Variants in RCHY1 observed in about 807,000 individuals in gnomAD.
The protein encoded by RCHY1 is RING finger and CHY zinc finger domain-containing protein 1.
RCHY1 carries 21 observed loss-of-function variants against 41.6 expected under a neutral mutation model. That is an observed-to-expected ratio of 0.51 (90% CI 0.36 to 0.73). The LOEUF (loss-of-function observed/expected upper bound fraction) is 0.73, where lower values mean the gene tolerates loss of function less well. Among genes scored for constraint, RCHY1 ranks in the 30% least tolerant of loss-of-function variants. RCHY1 has a pLI of 0.00. For missense variants in RCHY1, 265 were observed against 325.3 expected (o/e 0.81, Z 1.43); for synonymous variants, 79 against 102.9 (o/e 0.77, Z 1.41).
At chr4:75,499,241 T>A (rs866803438) in intron 3 of RCHY1, among the ~76,000 whole-genome samples, 1 of 152,178 alleles carries the variant, frequency 6.6e-6, no homozygotes, top group Non-Finnish European at 1.5e-5. Flanking sequence ...ACACCCCAGT[T>A]AGAATGGCTT....
At chr4:75,486,051 A>C (rs563348766) in intron 8 of RCHY1, among the ~76,000 whole-genome samples, 1 of 152,322 alleles carries the variant, frequency 6.6e-6, no homozygotes, top group East Asian at 1.9e-4. Context: ...AAGCAGAATC[A>C]AGCCCACTAG....
At chr4:75,508,107 A>C (rs1393050346) in intron 3 of RCHY1, among the ~76,000 whole-genome samples, 1 of 150,994 alleles carries the variant, frequency 6.6e-6, no homozygotes, top group Admixed American at 6.6e-5. Flanking sequence ...CAAAAAAAAC[A>C]AAAAAAAAGC....
rs779761521 is a variant in RCHY1, at chr4:75,481,573, G to A, written c.*965C>T. The stretch of plus-strand genomic sequence containing the variant: ...CATCCCCTATTTTCACACGCTTAGG[G>A]AAGAAATATTCTATTCATTTACAAT... On this transcript the variant is annotated 3_prime_UTR_variant, in exon 9 of 9. Coordinates refer to ENST00000324439, the MANE Select transcript of RCHY1 (RefSeq NM_015436.4). The A allele has an allele frequency of 4.6e-5, 7 of 152,148 alleles. No individual in the cohort carries two copies. Among genetic ancestry groups the A allele is most frequent in the Non-Finnish European group, 1.0e-4 (7 of 68,030 alleles). The allele number at this position is 152,148 out of a possible 1,614,324, so 9.4% of individuals were successfully genotyped here.
chr4:75,504,956 T>A (rs1284542859), intron 3 of RCHY1, among the ~76,000 whole-genome samples: 4 of 152,218 alleles, frequency 2.6e-5, no homozygotes, highest in African/African-American at 2.4e-5. Context: ...CTGAAAACAC[T>A]GCCAAAGATA....
intron 3 of RCHY1, among the ~76,000 whole-genome samples, chr4:75,505,671 T>C (rs551839235): frequency 8.5e-5 from 13 of 152,054 alleles, no homozygotes; most frequent in Non-Finnish European, 1.8e-4. Context: ...ATGAAACATA[T>C]ATTGTAACTT....
chr4:75,500,675 T>C (rs1723665180), intron 3 of RCHY1, among the ~76,000 whole-genome samples: 2 of 152,158 alleles, frequency 1.3e-5, no homozygotes, highest in Non-Finnish European at 2.9e-5. Context: ...ATATCTTAGA[T>C]GAAGCAATAG....
Position 75,491,889 on chromosome 4 carries a change from C to A in RCHY1, c.450G>T (p.Glu150Asp). ...VSRQNCPICL[E>D]DIHTSRVVAH... ...AAAGTAAAAAATATTTTAAGCCTACCTCCAAACATATTGGACAATTCTGTC... is the reference window on the plus strand; with the variant it reads ...AAAGTAAAAAATATTTTAAGCCTACATCCAAACATATTGGACAATTCTGTC... Residue 150 changes from glutamate to aspartate, a missense_variant and splice_region_variant, in exon 5 of 9, where the codon GAG becomes GAT. Glu to Asp is a conservative substitution (Grantham distance 45). Transcript: ENST00000324439. The A allele has an allele frequency of 6.2e-7, 1 of 1,608,888 alleles. No homozygotes were observed. Among genetic ancestry groups the A allele is most frequent in the South Asian group, 1.1e-5 (1 of 89,808 alleles).
At chr4:75,510,422 G>A (rs1483763877) in intron 1 of RCHY1, among the ~76,000 whole-genome samples, 3 of 152,174 alleles carry the variant, frequency 2.0e-5, no homozygotes, top group Non-Finnish European at 2.9e-5. Flanking sequence ...TTCCAGGCCA[G>A]TGACTTTCCA....
intron 8 of RCHY1, among the ~76,000 whole-genome samples, chr4:75,487,485 C>CATATTCATAAT (rs1722132915): frequency 1.1e-5 from 1 of 89,296 alleles, no homozygotes; most frequent in Non-Finnish European, 2.4e-5. Flanking sequence ...TATATATAGT[C>CATATTCATAAT]ATATATATTC....
At chr4:75,488,387 G>C (rs2148720413) in intron 8 of RCHY1, among the ~76,000 whole-genome samples, 1 of 152,160 alleles carries the variant, frequency 6.6e-6, no homozygotes, top group South Asian at 2.1e-4. Flanking sequence ...TCTTCAAGGA[G>C]GTTCATGAAA....
At chr4:75,495,932 T>G (rs1362834352) in intron 3 of RCHY1, among the ~76,000 whole-genome samples, 1 of 152,180 alleles carries the variant, frequency 6.6e-6, no homozygotes, top group Non-Finnish European at 1.5e-5. Flanking sequence ...TCTATTCGTC[T>G]ATTCCTGCAC....
chr4:75,490,448 C>T, intron 8 of RCHY1, 133 bp downstream of exon 8: 1 of 570,880 alleles, frequency 1.8e-6, no homozygotes, highest in Non-Finnish European at 2.9e-6. Flanking sequence ...TTTGTGCTTT[C>T]CATTAATCAT....
At chr4:75,500,781 A>C (rs1723672824) in intron 3 of RCHY1, among the ~76,000 whole-genome samples, 1 of 152,206 alleles carries the variant, frequency 6.6e-6, no homozygotes, top group Admixed American at 6.5e-5. Flanking sequence ...GCAATGACAA[A>C]CTTTCATGAT....
At chr4:75,514,095 C>T in intron 1 of RCHY1, 102 bp downstream of exon 1, 1 of 1,512,326 alleles carries the variant, frequency 6.6e-7, no homozygotes, top group Non-Finnish European at 8.9e-7. Context: ...TCCTGAAAAT[C>T]AGGTTAACCT....
chr4:75,491,880 T>C lies in RCHY1; in HGVS notation c.450+9A>G, dbSNP rs953657576. ...GAGACTTCCAAAGTAAAAAATATTT[T>C]AAGCCTACCTCCAAACATATTGGAC... On this transcript the variant is annotated intron_variant, in intron 5 of 8. Coordinates refer to ENST00000324439, the MANE Select transcript of RCHY1 (RefSeq NM_015436.4). 4.4e-6 allele frequency: 7 copies of C among 1,609,076 alleles called. No homozygotes were observed. Among genetic ancestry groups the C allele is most frequent in the Non-Finnish European group, 4.2e-6 (5 of 1,177,946 alleles).
intron 3 of RCHY1, among the ~76,000 whole-genome samples, chr4:75,505,080 G>T (rs1054862216): frequency 6.6e-5 from 10 of 152,194 alleles, no homozygotes; most frequent in African/African-American, 2.4e-4. Flanking sequence ...GAGGTTGGGG[G>T]ATGGTTTCGG....
intron 3 of RCHY1, 135 bp downstream of exon 3, chr4:75,508,684 CA>C: frequency 1.0e-5 from 5 of 495,250 alleles, no homozygotes; most frequent in Non-Finnish European, 1.4e-5. Context: ...CGGTATTTAT[CA>C]AAACTCACTT....
At chr4:75,505,662 T>G (rs941684157) in intron 3 of RCHY1, among the ~76,000 whole-genome samples, 1 of 151,608 alleles carries the variant, frequency 6.6e-6, no homozygotes, top group Non-Finnish European at 1.5e-5. Context: ...ATAAGCAAAA[T>G]GAAACATATA....
rs1721498002 is a variant in RCHY1 at position 75,481,212 on chromosome 4, A to C, written c.*1326T>G. On this transcript the variant is annotated 3_prime_UTR_variant, in exon 9 of 9. Coordinates refer to ENST00000324439, the MANE Select transcript of RCHY1 (RefSeq NM_015436.4). Reference sequence around the variant, plus strand: ...ACTGCTGCCTTTATCTAGGTGAATAAATTTCAACAAAAGAAGAAATAAATG... The same window carrying C: ...ACTGCTGCCTTTATCTAGGTGAATACATTTCAACAAAAGAAGAAATAAATG... The C allele has an allele frequency of 6.6e-6, 1 of 152,184 alleles. No homozygotes were observed. The highest frequency in any genetic ancestry group is 1.5e-5 in the Non-Finnish European group (1 of 68,020). 9.4% of individuals were successfully genotyped at this position (152,184 alleles called of 1,614,324 possible). A position where few individuals can be genotyped will look rare whatever the true frequency, so the allele number is the denominator to read the frequency against.
Sources: gnomAD v4.1 joint callset for allele counts (sites outside exome capture counted in the v4.1 genomes callset) on GRCh38, gnomAD v4.1.1 for gene constraint, MANE v1.5 for transcripts, NCBI Gene and HGNC (gene_info 2026-07-23, HGNC 2026-07-21) for gene names.